The following FSTL4 variants were observed in gnomAD, a reference collection of about 807,000 sequenced individuals.
The protein encoded by FSTL4 is follistatin-related protein 4.
In FSTL4, 28 loss-of-function variants were observed where a neutral mutation model predicts 78.2. The ratio of observed to expected loss-of-function variants is 0.36; its 90% confidence interval spans 0.27 to 0.49. FSTL4 has a LOEUF of 0.49. FSTL4 is among the 20% of genes least tolerant of loss of function. The pLI, the probability that FSTL4 is intolerant of heterozygous loss-of-function variation, is 0.98. For synonymous variants in FSTL4, 422 were observed against 440.5 expected (o/e 0.96, Z 0.53); for missense variants, 922 against 1,084.9 (o/e 0.85, Z 2.11).
chr5:133,758,271 C>T, the FSTL4 span, among the ~76,000 whole-genome samples: 2 of 152,120 alleles, frequency 1.3e-5, no homozygotes, highest in Non-Finnish European at 2.9e-5. Context: ...AGATATATCA[C>T]TGAATTCATC....
the FSTL4 span, among the ~76,000 whole-genome samples, chr5:133,816,771 C>T: frequency 1.3e-5 from 2 of 152,200 alleles, no homozygotes; most frequent in African/African-American, 2.4e-5. Context: ...AGCCACACTG[C>T]CAGCAACTCT....
the FSTL4 span, among the ~76,000 whole-genome samples, chr5:133,780,140 C>T: frequency 6.6e-6 from 1 of 152,138 alleles, no homozygotes; most frequent in African/African-American, 2.4e-5. Flanking sequence ...TCCCAGCTAC[C>T]TCCTGCTATC....
intron 4 of FSTL4, among the ~76,000 whole-genome samples, chr5:133,322,909 A>C (rs1754107428): frequency 6.6e-6 from 1 of 152,218 alleles, no homozygotes; most frequent in South Asian, 2.1e-4. Flanking sequence ...AGCATCTGCT[A>C]TGTCCCCTTA....
chr5:133,382,983 T>C (rs1203758548), intron 4 of FSTL4, among the ~76,000 whole-genome samples: 2 of 152,122 alleles, frequency 1.3e-5, no homozygotes, highest in East Asian at 3.9e-4. Flanking sequence ...TGCAACTGCC[T>C]GGTGGATATT....
At chr5:133,802,905 C>A in the FSTL4 span, among the ~76,000 whole-genome samples, 1 of 152,200 alleles carries the variant, frequency 6.6e-6, no homozygotes, top group Non-Finnish European at 1.5e-5. Flanking sequence ...AGCAAGGCGT[C>A]TCATTTCCAG....
At chr5:133,688,289 T>C in the FSTL4 span, among the ~76,000 whole-genome samples, 1 of 152,174 alleles carries the variant, frequency 6.6e-6, no homozygotes, top group Non-Finnish European at 1.5e-5. Context: ...GAAGTATGCC[T>C]GTAGTCCCAG....
At chr5:133,817,227 C>T in the FSTL4 span, among the ~76,000 whole-genome samples, 2 of 152,240 alleles carry the variant, frequency 1.3e-5, no homozygotes, top group South Asian at 2.1e-4. Context: ...GATGCAAACA[C>T]AGAGGCTCAG....
the FSTL4 span, among the ~76,000 whole-genome samples, chr5:133,672,035 C>T: frequency 6.6e-6 from 1 of 152,220 alleles, no homozygotes; most frequent in Non-Finnish European, 1.5e-5. Context: ...TGAAGAGGAA[C>T]CTCTACTTTA....
intron 6 of FSTL4, among the ~76,000 whole-genome samples, chr5:133,254,989 C>T (rs886887735): frequency 1.3e-5 from 2 of 152,224 alleles, no homozygotes; most frequent in Non-Finnish European, 2.9e-5. Flanking sequence ...GATGAAGATG[C>T]CACATGCAGC....
the FSTL4 span, among the ~76,000 whole-genome samples, chr5:133,630,095 G>A: frequency 2.0e-5 from 3 of 152,370 alleles, no homozygotes; most frequent in East Asian, 5.8e-4. Context: ...AGAAGACAAG[G>A]ATGCCCTCTC....
rs1750651078 is a variant in FSTL4 at position 133,210,010 on chromosome 5, C to T, written c.1716+181G>A. ...TCCTATTCATCATCATTATTGCTGT[C>T]ATCAATTGCCTGTGAGGGGCATTGG... On this transcript the variant is annotated intron_variant, in intron 14 of 15. Coordinates refer to ENST00000265342, the MANE Select transcript of FSTL4 (RefSeq NM_015082.2). The T allele has an allele frequency of 5.7e-6, 3 of 524,760 alleles. No individual in the cohort carries two copies. In the South Asian group the frequency reaches 8.3e-5, roughly 14 times the overall value. The allele number at this position is 524,760 out of a possible 1,614,324, so 32.5% of individuals were successfully genotyped here. A position where few individuals can be genotyped will look rare whatever the true frequency, so the allele number is the denominator to read the frequency against.
At chr5:133,243,342 A>G (rs1369390001) in intron 7 of FSTL4, among the ~76,000 whole-genome samples, 1 of 152,220 alleles carries the variant, frequency 6.6e-6, no homozygotes, top group Admixed American at 6.5e-5. Context: ...AAAAGAATAC[A>G]ATAGAAAAAT....
chr5:133,443,179 T>TG (rs930730388), intron 3 of FSTL4, among the ~76,000 whole-genome samples: 1 of 152,190 alleles, frequency 6.6e-6, no homozygotes, highest in African/African-American at 2.4e-5. Context: ...CAAACATGGG[T>TG]GGTGGAGTCT....
the FSTL4 span, among the ~76,000 whole-genome samples, chr5:133,819,450 C>T: frequency 6.6e-6 from 1 of 152,182 alleles, no homozygotes; most frequent in African/African-American, 2.4e-5. Context: ...TCTCAGGAGC[C>T]TCTCTGACCT....
chr5:133,406,115 C>T (rs981285108), intron 3 of FSTL4, among the ~76,000 whole-genome samples: 5 of 152,188 alleles, frequency 3.3e-5, no homozygotes, highest in African/African-American at 4.8e-5. Context: ...GGTGCTGCAG[C>T]GGGCACACTT....
intron 11 of FSTL4, 95 bp downstream of exon 11, chr5:133,224,095 G>A: frequency 1.1e-6 from 1 of 948,240 alleles, no homozygotes; most frequent in Non-Finnish European, 1.7e-6. Context: ...GCTGCTTTGT[G>A]TGGGAAAGCT....
intron 6 of FSTL4, among the ~76,000 whole-genome samples, chr5:133,261,852 C>T (rs563511706): frequency 4.3e-4 from 66 of 152,054 alleles, no homozygotes; most frequent in Non-Finnish European, 7.9e-4. Flanking sequence ...ATTAGCCGGG[C>T]ATGGTGGTGT....
intron 3 of FSTL4, among the ~76,000 whole-genome samples, chr5:133,510,889 G>A (rs1758718279): frequency 1.3e-5 from 2 of 152,018 alleles, no homozygotes; most frequent in South Asian, 2.1e-4. Context: ...AAACCCATCT[G>A]TGAGATGGGG....
At chr5:133,360,147 G>A (rs887813367) in intron 4 of FSTL4, among the ~76,000 whole-genome samples, 1 of 152,088 alleles carries the variant, frequency 6.6e-6, no homozygotes, top group African/African-American at 2.4e-5. Flanking sequence ...TCTCCTCTTC[G>A]TCCCCAATCG....
Sources: allele counts gnomAD v4.1 joint callset (sites outside exome capture counted in the v4.1 genomes callset), GRCh38; gene constraint gnomAD v4.1.1; transcripts MANE v1.5; gene names NCBI Gene and HGNC (gene_info 2026-07-23, HGNC 2026-07-21).